The following CCDC60 variants were observed in gnomAD, a reference collection of about 807,000 sequenced individuals.
CCDC60 encodes coiled-coil domain-containing protein 60.
A neutral mutation model predicts 63.5 loss-of-function variants in CCDC60; 54 were observed. The ratio of observed to expected loss-of-function variants is 0.85; its 90% CI spans 0.68 to 1.07. CCDC60 has a LOEUF of 1.07. Ranked by LOEUF, CCDC60 falls within the 50% of genes least tolerant of loss-of-function variation. The probability of loss-of-function intolerance (pLI) is 0.00; values close to 1 mark genes in which losing one functional copy is unlikely to be tolerated. For missense variants in CCDC60, 651 were observed against 684.3 expected, an observed-to-expected ratio of 0.95 and a Z score of 0.54; for synonymous variants, 206 against 238.8, an observed-to-expected ratio of 0.86 and a Z score of 1.27.
chr12:119,386,259 T>C (rs1360447817), intron 1 of CCDC60, among the ~76,000 whole-genome samples: 1 of 152,192 alleles, frequency 6.6e-6, no homozygotes, highest in Non-Finnish European at 1.5e-5. Flanking sequence ...CAAACCTCCC[T>C]GTTCTCATTT....
Position 119,335,240 on chromosome 12 carries a change from T to C in CCDC60, c.64T>C (p.Phe22Leu), listed in dbSNP as rs944151139. ...CCCCAACTCGGGGGCTGTCCGGCCC[T>C]TTTATGCCTCGGAGAACCTAAGGCA... ...SSPNSGAVRPFYASENLRQVP... is the reference protein window; with the variant it reads ...SSPNSGAVRPLYASENLRQVP... The change falls in exon 1 of 14, where the codon TTT becomes CTT. Residue 22 changes from phenylalanine to leucine, a missense_variant. By Grantham distance (22) the Phe-to-Leu change is conservative. Transcript: ENST00000327554. The C allele has an allele frequency of 4.4e-6, 7 of 1,603,660 alleles. No homozygotes were observed. In the Admixed American group the frequency reaches 5.2e-5, roughly 12 times the overall value.
intron 6 of CCDC60, among the ~76,000 whole-genome samples, chr12:119,504,770 C>G (rs1156899875): frequency 6.6e-6 from 1 of 152,308 alleles, no homozygotes; most frequent in Admixed American, 6.5e-5. Flanking sequence ...ATGGAAAACA[C>G]GTTTGGCTTC....
At chr12:119,535,612 G>A (rs879295263) in intron 13 of CCDC60, among the ~76,000 whole-genome samples, 1 of 152,252 alleles carries the variant, frequency 6.6e-6, no homozygotes, top group Non-Finnish European at 1.5e-5. Flanking sequence ...CAGGCACCTT[G>A]TGTCTTTGTT....
chr12:119,377,986 CAG>C (rs1955970787), intron 1 of CCDC60, among the ~76,000 whole-genome samples: 1 of 152,208 alleles, frequency 6.6e-6, no homozygotes, highest in South Asian at 2.1e-4. Context: ...CTCTTTCTTG[CAG>C]AGAGAGAGGA....
chr12:119,379,809 TA>T (rs1955990099), intron 1 of CCDC60, among the ~76,000 whole-genome samples: 1 of 152,246 alleles, frequency 6.6e-6, no homozygotes, highest in East Asian at 1.9e-4. Flanking sequence ...GGCCATGACT[TA>T]AAAGTTAAGT....
intron 5 of CCDC60, 151 bp from the exon 6 acceptor site, chr12:119,499,927 C>A (rs974440718): frequency 1.5e-6 from 1 of 673,048 alleles, no homozygotes; most frequent in South Asian, 1.8e-5. Context: ...GAGAACTATC[C>A]CCCCCATTTC....
chr12:119,492,172 T>A (rs1951604680), intron 5 of CCDC60, among the ~76,000 whole-genome samples: 1 of 152,200 alleles, frequency 6.6e-6, no homozygotes. Flanking sequence ...TTTTTCTAGC[T>A]GACTATTTCT....
chr12:119,511,272 T>C (rs1055789072), intron 7 of CCDC60, among the ~76,000 whole-genome samples: 5 of 152,208 alleles, frequency 3.3e-5, no homozygotes, highest in African/African-American at 9.6e-5. Flanking sequence ...AGGAGTCCTA[T>C]TCTAAGAGAC....
At chr12:119,345,816 T>G (rs551131994) in intron 1 of CCDC60, among the ~76,000 whole-genome samples, 32 of 129,858 alleles carry the variant, frequency 2.5e-4, no homozygotes, top group African/African-American at 7.7e-4. Context: ...TTGTTTTTTG[T>G]TTTTTTTTGT....
At chr12:119,472,350 A>G (rs1951080826) in intron 3 of CCDC60, among the ~76,000 whole-genome samples, 186 bp downstream of exon 3, 1 of 152,124 alleles carries the variant, frequency 6.6e-6, no homozygotes, top group South Asian at 2.1e-4. Context: ...TATTCGCTGG[A>G]ACATCTTCCA....
chr12:119,495,336 G>C (rs1050155943), intron 5 of CCDC60, among the ~76,000 whole-genome samples: 1 of 152,076 alleles, frequency 6.6e-6, no homozygotes, highest in African/African-American at 2.4e-5. Context: ...TTTCTGGGAG[G>C]CCCCAGGATA....
chr12:119,436,778 C>T (rs909879378), intron 2 of CCDC60, among the ~76,000 whole-genome samples: 2 of 152,186 alleles, frequency 1.3e-5, no homozygotes, highest in African/African-American at 4.8e-5. Context: ...CTCAGGTGAT[C>T]TACCTGCCTC....
At chr12:119,523,046 G>T (rs1369051001) in intron 10 of CCDC60, 45 bp downstream of exon 10, 1 of 1,514,900 alleles carries the variant, frequency 6.6e-7, no homozygotes, top group African/African-American at 1.4e-5. Flanking sequence ...GAGGGAATAT[G>T]GTGACCACAC....
chr12:119,411,028 C>T (rs779280448), intron 1 of CCDC60, among the ~76,000 whole-genome samples: 1 of 152,166 alleles, frequency 6.6e-6, no homozygotes, highest in East Asian at 1.9e-4. Context: ...CCACTGCGCC[C>T]GGCCACATTT....
chr12:119,420,961 T>A lies in CCDC60; in HGVS notation c.91-7722T>A, dbSNP rs1431271122. ...CCTGCCATGATCCCGCCTACTCTGT[T>A]CTTTACAGCTTCTCCATAATGAGTC... On this transcript the variant is annotated intron_variant, in intron 1 of 13. Transcript: ENST00000327554. The surrounding 1 kb of genome is among the most constrained non-coding windows in gnomAD (Gnocchi z 4.1). 1.3e-5 allele frequency among the ~76,000 whole-genome samples: 2 copies of A among 152,182 alleles called. No individual in the cohort carries two copies. The highest frequency in any genetic ancestry group is 6.5e-5 in the Admixed American group (1 of 15,286).
intron 6 of CCDC60, among the ~76,000 whole-genome samples, chr12:119,503,138 C>T (rs1450955494): frequency 6.6e-6 from 1 of 152,084 alleles, no homozygotes; most frequent in African/African-American, 2.4e-5. Context: ...GACTGTGCCA[C>T]TGCACTCCAG....
intron 1 of CCDC60, among the ~76,000 whole-genome samples, chr12:119,344,988 C>T (rs2136146649): frequency 6.6e-6 from 1 of 152,108 alleles, no homozygotes; most frequent in Non-Finnish European, 1.5e-5. Flanking sequence ...AGGTCACACG[C>T]TTCTTTTGCA....
intron 8 of CCDC60, among the ~76,000 whole-genome samples, chr12:119,519,891 T>A (rs1952473020): frequency 6.6e-6 from 1 of 151,836 alleles, no homozygotes; most frequent in Non-Finnish European, 1.5e-5. Context: ...CCTGTGTGTG[T>A]GATCTAAATG....
At chr12:119,350,565 A>G (rs1490533989) in intron 1 of CCDC60, among the ~76,000 whole-genome samples, 1 of 152,140 alleles carries the variant, frequency 6.6e-6, no homozygotes, top group African/African-American at 2.4e-5. Flanking sequence ...TTGGCTGGAA[A>G]AGAAAATAGG....
Sources: gnomAD v4.1 joint callset for allele counts (sites outside exome capture counted in the v4.1 genomes callset) on GRCh38, gnomAD v4.1.1 for gene constraint, Gnocchi (gnomAD v3.1) non-coding constraint, MANE v1.5 for transcripts, NCBI Gene and HGNC (gene_info 2026-07-23, HGNC 2026-07-21) for gene names.